Variants in ADAMTSL3 observed in about 807,000 individuals in gnomAD.
ADAMTSL3 encodes the protein ADAMTS like 3.
In ADAMTSL3, 128 loss-of-function variants were observed where a neutral mutation model predicts 201.7. The observed-to-expected ratio is 0.63, with a 90% CI of 0.55 to 0.73. The LOEUF is 0.73. Ranked by LOEUF, ADAMTSL3 falls within the 30% of genes least tolerant of loss-of-function variation. The pLI, the probability that ADAMTSL3 is intolerant of heterozygous loss-of-function variation, is 0.00. For synonymous variants in ADAMTSL3, 738 were observed against 748.4 expected, an observed-to-expected ratio of 0.99 and a Z score of 0.23; for missense variants, 1,990 against 2,119.6, an observed-to-expected ratio of 0.94 and a Z score of 1.20.
intron 19 of ADAMTSL3, among the ~76,000 whole-genome samples, chr15:83,943,473 C>A (rs1026306870): frequency 9.9e-5 from 15 of 152,192 alleles, no homozygotes; most frequent in African/African-American, 3.4e-4. Context: ...ATCTTCCATG[C>A]CTTAACTTCC....
At chr15:83,871,050 A>G (rs1012045155) in intron 9 of ADAMTSL3, 91 bp downstream of exon 9, 1 of 1,453,204 alleles carries the variant, frequency 6.9e-7, no homozygotes, top group South Asian at 1.2e-5. Context: ...AGAGGTCATC[A>G]ATCATTGTTT....
intron 6 of ADAMTSL3, among the ~76,000 whole-genome samples, chr15:83,826,675 A>C: frequency 1.9e-5 from 2 of 108,032 alleles, no homozygotes; most frequent in Non-Finnish European, 1.9e-5. Flanking sequence ...CCCACCCCAC[A>C]ACAGGACCCG....
chr15:83,828,817 C>A (rs747010426), intron 6 of ADAMTSL3, among the ~76,000 whole-genome samples: 43 of 152,076 alleles, frequency 2.8e-4, no homozygotes, highest in Non-Finnish European at 4.3e-4. Flanking sequence ...TGTTTATATG[C>A]TGGATTACGT....
intron 4 of ADAMTSL3, among the ~76,000 whole-genome samples, chr15:83,792,022 A>G (rs1257428156): frequency 6.6e-6 from 1 of 152,194 alleles, no homozygotes; most frequent in Admixed American, 6.5e-5. Flanking sequence ...GACAAATGGG[A>G]TTACATCAAA....
At position 83,903,917 on chromosome 15, in the gene ADAMTSL3, CAAAAAAAAAAAAAAAA is replaced by C. The variant is rs1168502648; in HGVS notation, c.1700+4198_1700+4213del. Among the ~76,000 whole-genome samples the C allele has an allele frequency of 2.1e-3, 40 of 19,270 alleles. 3 individuals carry two copies. The highest frequency in any genetic ancestry group is 6.2e-3 in the Admixed American group (6 of 968). 12.6% of individuals were successfully genotyped at this position (19,270 alleles called of 152,430 possible). The stretch of plus-strand genomic sequence containing the variant: ...TGGGTGACAGTGCCAGACTCCACAT[CAAAAAAAAAAAAAAAA>C]AAAAAAAAAAAGAAAAAAGAAAGAA... On this transcript the variant is annotated intron_variant, in intron 15 of 29. Coordinates refer to ENST00000286744, the MANE Select transcript of ADAMTSL3 (RefSeq NM_207517.3).
chr15:84,013,277 G>A (rs1467991372), intron 23 of ADAMTSL3, among the ~76,000 whole-genome samples: 1 of 152,168 alleles, frequency 6.6e-6, no homozygotes, highest in African/African-American at 2.4e-5. Context: ...CAGGAAATAG[G>A]AATAACTATG....
chr15:83,838,294 G>C (rs765429212), intron 7 of ADAMTSL3, 79 bp downstream of exon 7: 235 of 1,497,384 alleles, frequency 1.6e-4, no homozygotes, highest in Non-Finnish European at 2.0e-4. Context: ...AACATTTTCT[G>C]AATGTTAAGC....
At chr15:83,864,674 A>C (rs1259605719) in intron 8 of ADAMTSL3, among the ~76,000 whole-genome samples, 1 of 152,180 alleles carries the variant, frequency 6.6e-6, no homozygotes, top group Admixed American at 6.5e-5. Context: ...ATGGGCAAAA[A>C]CTGGAAGCAT....
intron 7 of ADAMTSL3, among the ~76,000 whole-genome samples, chr15:83,851,647 T>G (rs1296549012): frequency 6.6e-6 from 1 of 152,094 alleles, no homozygotes; most frequent in Non-Finnish European, 1.5e-5. Context: ...ATCCAGAATA[T>G]CCAGGCAAGG....
chr15:83,797,715 GC>G (rs781137315), intron 4 of ADAMTSL3, among the ~76,000 whole-genome samples: 8 of 152,140 alleles, frequency 5.3e-5, no homozygotes, highest in Non-Finnish European at 1.2e-4. Flanking sequence ...GAACCTTCCT[GC>G]ACTGGTAATG....
intron 4 of ADAMTSL3, among the ~76,000 whole-genome samples, chr15:83,784,454 T>C (rs1388015987): frequency 1.3e-5 from 2 of 152,174 alleles, no homozygotes; most frequent in African/African-American, 4.8e-5. Context: ...TCACCTAAAG[T>C]TTCTGCCTTG....
chr15:83,789,868 A>G (rs1335700907), intron 4 of ADAMTSL3, among the ~76,000 whole-genome samples: 1 of 152,140 alleles, frequency 6.6e-6, no homozygotes, highest in Non-Finnish European at 1.5e-5. Context: ...TCAATCAGTC[A>G]TACTGTTTTG....
intron 2 of ADAMTSL3, among the ~76,000 whole-genome samples, chr15:83,669,566 C>T (rs1486430453): frequency 7.2e-6 from 1 of 139,298 alleles, no homozygotes; most frequent in Admixed American, 7.9e-5. Flanking sequence ...CTCCTGGGTT[C>T]ACTCCATTCT....
intron 5 of ADAMTSL3, among the ~76,000 whole-genome samples, chr15:83,813,713 G>A (rs568188239): frequency 2.0e-5 from 3 of 152,260 alleles, no homozygotes; most frequent in South Asian, 4.1e-4. Context: ...ACATGCCTGG[G>A]TACAGTGCCA....
intron 3 of ADAMTSL3, 104 bp from the exon 4 acceptor site, chr15:83,773,419 A>AT: frequency 2.4e-6 from 3 of 1,265,764 alleles, no homozygotes; most frequent in Non-Finnish European, 3.3e-6. Flanking sequence ...AAAAAAAAAA[A>AT]GGTGACTCTG....
At chr15:83,731,001 G>A (rs992190115) in intron 3 of ADAMTSL3, among the ~76,000 whole-genome samples, 1 of 151,982 alleles carries the variant, frequency 6.6e-6, no homozygotes, top group African/African-American at 2.4e-5. Context: ...TGGCTTTTCA[G>A]TTTTCCAAAC....
At chr15:83,921,514 A>G (rs1350260845) in intron 16 of ADAMTSL3, among the ~76,000 whole-genome samples, 1 of 152,196 alleles carries the variant, frequency 6.6e-6, no homozygotes, top group Non-Finnish European at 1.5e-5. Flanking sequence ...CTATGTGTGT[A>G]TGTGTGTGTT....
At chr15:83,901,865 A>G (rs1339637916) in intron 15 of ADAMTSL3, among the ~76,000 whole-genome samples, 1 of 152,158 alleles carries the variant, frequency 6.6e-6, no homozygotes, top group African/African-American at 2.4e-5. Flanking sequence ...TTGTCACAGA[A>G]GGAAGGTCAC....
At chr15:84,017,292 T>A (rs2068104305) in intron 25 of ADAMTSL3, among the ~76,000 whole-genome samples, 1 of 152,132 alleles carries the variant, frequency 6.6e-6, no homozygotes, top group Non-Finnish European at 1.5e-5. Context: ...TAATTTTTTG[T>A]ATTTTTAGTG....
Sources: gnomAD v4.1 joint callset for allele counts (sites outside exome capture counted in the v4.1 genomes callset) on GRCh38, gnomAD v4.1.1 for gene constraint, MANE v1.5 for transcripts, NCBI Gene and HGNC (gene_info 2026-07-23, HGNC 2026-07-21) for gene names.